The following SMYD4 variants were observed in gnomAD, a reference collection of about 807,000 sequenced individuals.
The protein encoded by SMYD4 is SET and MYND domain containing 4.
Under a neutral mutation model 72.8 loss-of-function variants are expected in SMYD4, and 68 were observed. The ratio of observed to expected loss-of-function variants is 0.93; its 90% CI spans 0.77 to 1.14. The LOEUF is 1.14. Ranked by LOEUF, SMYD4 falls within the 50% of genes most tolerant of loss-of-function variation. The pLI is 0.00. For missense variants in SMYD4, 984 were observed against 1,003.7 expected (o/e 0.98, Z 0.27); for synonymous variants, 407 against 388.6 (o/e 1.05, Z -0.56).
At chr17:1,815,031 C>T (rs1230531588) in intron 2 of SMYD4, among the ~76,000 whole-genome samples, 3 of 151,716 alleles carry the variant, frequency 2.0e-5, no homozygotes, top group African/African-American at 7.3e-5. Context: ...CAAAATTCTT[C>T]TTGCCTAACA....
chr17:1,826,734 G>A (rs1005293637), intron 2 of SMYD4, among the ~76,000 whole-genome samples: 3 of 152,108 alleles, frequency 2.0e-5, no homozygotes, highest in Admixed American at 6.6e-5. Context: ...TGCTTTATAC[G>A]TCATTTTAAG....
At chr17:1,822,948 C>A (rs1910967583) in intron 2 of SMYD4, among the ~76,000 whole-genome samples, 1 of 151,898 alleles carries the variant, frequency 6.6e-6, no homozygotes, top group Non-Finnish European at 1.5e-5. Flanking sequence ...ATAGAAGAAG[C>A]CTTAAAGAAA....
chr17:1,800,746 A>G lies in SMYD4; in HGVS notation c.648T>C (p.Leu216=), dbSNP rs1409372591. The change falls in exon 5 of 11, where the codon CTT becomes CTC. Residue 216 remains leucine, a synonymous_variant. Coordinates refer to ENST00000305513, the MANE Select transcript of SMYD4 (RefSeq NM_052928.3). ...ESFPAALAKT[L]EDAALREENE... ...TCTCCTCCCTCAGCGCTGCATCCTC[A>G]AGGGTTTTGGCCAGAGCTGCTGGGA... 6.2e-7 allele frequency: 1 copy of G among 1,614,152 alleles called. No homozygotes were observed. Among genetic ancestry groups the G allele is most frequent in the Non-Finnish European group, 8.5e-7 (1 of 1,180,024 alleles).
chr17:1,784,830 T>C (rs987865918), intron 7 of SMYD4, among the ~76,000 whole-genome samples: 9 of 151,970 alleles, frequency 5.9e-5, no homozygotes, highest in Non-Finnish European at 8.8e-5. Context: ...AGTGCAGTGG[T>C]GCGATCTCGG....
intron 5 of SMYD4, among the ~76,000 whole-genome samples, chr17:1,796,851 A>T (rs941102184): frequency 3.9e-5 from 6 of 152,238 alleles, no homozygotes; most frequent in Non-Finnish European, 1.5e-5. Context: ...AAAGTATATT[A>T]AAAAATACAA....
At chr17:1,807,825 T>C (rs1910123268) in intron 3 of SMYD4, among the ~76,000 whole-genome samples, 1 of 152,208 alleles carries the variant, frequency 6.6e-6, no homozygotes, top group African/African-American at 2.4e-5. Context: ...GAGTATGCTC[T>C]GGAAATATAC....
intron 2 of SMYD4, among the ~76,000 whole-genome samples, chr17:1,825,077 C>G (rs1268508205): frequency 6.6e-6 from 1 of 152,086 alleles, no homozygotes; most frequent in Non-Finnish European, 1.5e-5. Flanking sequence ...AATTAAACCT[C>G]TTTTCTTTAT....
rs560243386 is a variant in SMYD4 at position 1,784,534 on chromosome 17, G to T, written c.1885-73C>A. ...AACACCGCCTGTGCTTACATTACAGGACTGCTCCATAGTTTCTTACCTCAT... is the reference window on the plus strand; with the variant it reads ...AACACCGCCTGTGCTTACATTACAGTACTGCTCCATAGTTTCTTACCTCAT... On this transcript the variant is annotated intron_variant, in intron 7 of 10. Coordinates refer to ENST00000305513, the MANE Select transcript of SMYD4 (RefSeq NM_052928.3). 15 of 1,587,610 alleles carry T rather than the reference G, an allele frequency of 9.4e-6. No individual in the cohort carries two copies. The East Asian group carries it at 3.4e-4, about 36-fold the overall frequency.
In SMYD4 at chr17:1,781,349, C is replaced by T. The variant is rs144817739; in HGVS notation, c.2352G>A (p.Glu784=). The change falls in exon 11 of 11, where the codon GAG becomes GAA. Residue 784 remains glutamate (E), a synonymous_variant. Transcript: ENST00000305513. The stretch of plus-strand genomic sequence containing the variant: ...ACAAACAGGATTTCATCTTCTGGAG[C>T]TCCTGGATTTCATCGTCCCATGGGC... The part of the protein sequence containing the change: ...HCGPWDDEIQ[E]LQKMKSCLLD... The T allele has an allele frequency of 2.4e-3, 3,824 of 1,614,052 alleles. 38 individuals are homozygous for T. In the Admixed American group the frequency reaches 0.026, roughly 11 times the overall value.
At chr17:1,807,356 G>C (rs1357633822) in intron 3 of SMYD4, among the ~76,000 whole-genome samples, 1 of 147,318 alleles carries the variant, frequency 6.8e-6, no homozygotes, top group Non-Finnish European at 1.5e-5. Context: ...ACAGAGTTTC[G>C]CTCTTTCGCC....
At chr17:1,804,798 A>G in intron 3 of SMYD4, 83 bp from the exon 4 acceptor site, 1 of 1,352,836 alleles carries the variant, frequency 7.4e-7, no homozygotes, top group African/African-American at 1.4e-5. Flanking sequence ...GGGCTCTAGT[A>G]CTGAAGACTG....
chr17:1,820,723 G>T (rs1910842299), intron 2 of SMYD4, among the ~76,000 whole-genome samples: 1 of 152,166 alleles, frequency 6.6e-6, no homozygotes, highest in Admixed American at 6.6e-5. Flanking sequence ...GGAGTGGAGA[G>T]GTAGGGGTGG....
chr17:1,815,862 GC>G (rs1402847402), intron 2 of SMYD4, among the ~76,000 whole-genome samples: 3 of 151,918 alleles, frequency 2.0e-5, no homozygotes, highest in African/African-American at 7.3e-5. Flanking sequence ...ACCATGACCA[GC>G]TAATTTTTGT....
At chr17:1,796,414 G>T (rs1226159023) in intron 5 of SMYD4, among the ~76,000 whole-genome samples, 1 of 147,832 alleles carries the variant, frequency 6.8e-6, no homozygotes, top group African/African-American at 2.5e-5. Context: ...GAGGTTAAAG[G>T]TGTGAGCCAC....
At chr17:1,822,277 T>G (rs371994817) in intron 2 of SMYD4, among the ~76,000 whole-genome samples, 2 of 152,152 alleles carry the variant, frequency 1.3e-5, no homozygotes, top group African/African-American at 4.8e-5. Context: ...AACAGTTAAT[T>G]TAAAGTAGCT....
At chr17:1,784,615 T>A in intron 7 of SMYD4, 154 bp from the exon 8 acceptor site, 1 of 980,982 alleles carries the variant, frequency 1.0e-6, no homozygotes, top group South Asian at 4.7e-5. Context: ...GCGAATTTTG[T>A]TTGATGGCGG....
chr17:1,795,384 A>G, intron 5 of SMYD4, among the ~76,000 whole-genome samples: 1 of 151,360 alleles, frequency 6.6e-6, no homozygotes, highest in Non-Finnish European at 1.5e-5. Context: ...CCCTGGCTGT[A>G]GTACAGTGGC....
In SMYD4 at chr17:1,829,851, G is replaced by A. The variant is rs1047800110; in HGVS notation, c.-138C>T. ...GGCGCGCCCCTTGGCGCCCCGCTCCGCCCCGCACCGCGTCCGGCGTCCCGC... is the reference window on the plus strand; with the variant it reads ...GGCGCGCCCCTTGGCGCCCCGCTCCACCCCGCACCGCGTCCGGCGTCCCGC... On this transcript the variant is annotated 5_prime_UTR_variant, in exon 1 of 11. Coordinates refer to ENST00000305513, the MANE Select transcript of SMYD4 (RefSeq NM_052928.3). 3.7e-5 allele frequency: 12 copies of A among 321,970 alleles called. No individual in the cohort carries two copies. Among genetic ancestry groups the A allele is most frequent in the African/African-American group, 6.6e-5 (3 of 45,732 alleles). The allele number at this position is 321,970 out of a possible 1,614,324, so 19.9% of individuals were successfully genotyped here. A position where few individuals can be genotyped will look rare whatever the true frequency, so the allele number is the denominator to read the frequency against.
intron 2 of SMYD4, among the ~76,000 whole-genome samples, chr17:1,824,575 G>A (rs949972431): frequency 6.6e-6 from 1 of 151,910 alleles, no homozygotes; most frequent in Non-Finnish European, 1.5e-5. Flanking sequence ...TGCTGTTCTC[G>A]TGATAGTGAG....
Sources: allele counts gnomAD v4.1 joint callset (sites outside exome capture counted in the v4.1 genomes callset), GRCh38; gene constraint gnomAD v4.1.1; transcripts MANE v1.5; gene names NCBI Gene and HGNC (gene_info 2026-07-23, HGNC 2026-07-21).